Variants in ESRRB observed in about 807,000 individuals in gnomAD.
ESRRB encodes estrogen related receptor beta, also known as steroid hormone receptor ERR2.
A neutral mutation model predicts 46.0 loss-of-function variants in ESRRB; 16 were observed. The ratio of observed to expected loss-of-function variants is 0.35; its 90% confidence interval spans 0.24 to 0.53. The LOEUF (loss-of-function observed/expected upper bound fraction) is 0.53, where lower values mean the gene tolerates loss of function less well. ESRRB is among the 20% of genes least tolerant of loss of function. The probability of loss-of-function intolerance (pLI) is 0.93; values close to 1 mark genes in which losing one functional copy is unlikely to be tolerated. For synonymous variants in ESRRB, 246 were observed against 259.6 expected, an observed-to-expected ratio of 0.95 and a Z score of 0.50; for missense variants, 488 against 607.4, an observed-to-expected ratio of 0.80 and a Z score of 2.07.
At chr14:76,311,657 C>G in intron 1 of ESRRB, among the ~76,000 whole-genome samples, 1 of 152,192 alleles carries the variant, frequency 6.6e-6, no homozygotes. Context: ...CAGGCCAAAG[C>G]CAGGTGTGGA....
intron 1 of ESRRB, among the ~76,000 whole-genome samples, chr14:76,330,445 G>A (rs1883998969): frequency 6.6e-6 from 1 of 152,236 alleles, no homozygotes; most frequent in African/African-American, 2.4e-5. Context: ...ACCCAAAGCA[G>A]GAACTAACCA....
At chr14:76,367,277 C>T (rs930826275), upstream of ESRRB, among the ~76,000 whole-genome samples, 1 of 152,020 alleles carries the variant, frequency 6.6e-6, no homozygotes, top group Non-Finnish European at 1.5e-5. Context: ...ATTGACTGGG[C>T]ACAGTAGTGG....
chr14:76,491,362 A>C (rs372112268), intron 5 of ESRRB, 85 bp from the exon 6 acceptor site: 432 of 1,425,760 alleles, frequency 3.0e-4, no homozygotes, highest in Non-Finnish European at 3.8e-4. Context: ...CACGCCCTGC[A>C]ACCTCTGCCC....
In ESRRB at chr14:76,376,291, C is replaced by G; in HGVS notation, c.-111C>G. 1.2e-6 allele frequency: 1 copy of G among 833,744 alleles called. No homozygotes were observed. The highest frequency in any genetic ancestry group is 1.6e-6 in the Non-Finnish European group (1 of 624,438). 51.6% of individuals were successfully genotyped at this position (833,744 alleles called of 1,614,324 possible). A position where few individuals can be genotyped will look rare whatever the true frequency, so the allele number is the denominator to read the frequency against. ...CGCCTCCTCCCACTCTGCGTTCTCG[C>G]GCTCACTGTGCCCTGCCCGGGCTCG... is the stretch of plus-strand genomic sequence containing the variant. On this transcript the variant is annotated 5_prime_UTR_variant, in exon 1 of 7. Coordinates refer to ENST00000644823, the MANE Select transcript of ESRRB (RefSeq NM_001379180.1). This position sits in a 1 kb window ranked among gnomAD's most constrained non-coding sequence, Gnocchi z 4.1.
At chr14:76,339,824 C>T (rs577440643) in intron 1 of ESRRB, among the ~76,000 whole-genome samples, 5 of 152,272 alleles carry the variant, frequency 3.3e-5, no homozygotes, top group South Asian at 2.1e-4. Context: ...CGTGCCCCGT[C>T]ACATCGCACA....
At chr14:76,356,975 T>C (rs931889866) in intron 1 of ESRRB, among the ~76,000 whole-genome samples, 17 of 152,312 alleles carry the variant, frequency 1.1e-4, no homozygotes, top group African/African-American at 4.1e-4. Flanking sequence ...TCAGGGAAGG[T>C]TGACTCTCTC....
At chr14:76,494,782 G>A (rs1178691904) in intron 6 of ESRRB, among the ~76,000 whole-genome samples, 4 of 152,234 alleles carry the variant, frequency 2.6e-5, no homozygotes, top group African/African-American at 9.6e-5. Context: ...AGCAAAAGCA[G>A]TTAAAGCAGA....
At position 76,500,833 on chromosome 14, in the gene ESRRB, A is replaced by C. The variant is rs958157180; in HGVS notation, c.*2375A>C. The C allele has an allele frequency of 1.7e-6, 2 of 1,173,608 alleles. No individual in the cohort carries two copies. Among genetic ancestry groups the C allele is most frequent in the African/African-American group, 1.5e-5 (1 of 66,490 alleles). The allele number at this position is 1,173,608 out of a possible 1,614,324, so 72.7% of individuals were successfully genotyped here. ...GAGCCCCTCTAGCAGAGTGGGGCGG[A>C]AGTCCTGATGGTTGGTGTCCATGAG... On this transcript the variant is annotated 3_prime_UTR_variant, in exon 7 of 7. Transcript: ENST00000644823.
chr14:76,414,783 C>A (rs1886627467), intron 1 of ESRRB, among the ~76,000 whole-genome samples: 1 of 151,572 alleles, frequency 6.6e-6, no homozygotes, highest in South Asian at 2.1e-4. Context: ...GGTGCCTTTT[C>A]CCAGAGAGGC....
At chr14:76,341,023 G>A (rs527478283) in intron 1 of ESRRB, among the ~76,000 whole-genome samples, 1 of 152,274 alleles carries the variant, frequency 6.6e-6, no homozygotes, top group African/African-American at 2.4e-5. Flanking sequence ...GACTCAGCCT[G>A]CCCCTGCACC....
In ESRRB at chr14:76,385,931, T is replaced by G. The variant is rs574060790; in HGVS notation, c.50+9480T>G. 1.1e-4 allele frequency among the ~76,000 whole-genome samples: 17 copies of G among 152,334 alleles called. 1 individual carries two copies. In the South Asian group the frequency reaches 3.1e-3, roughly 28 times the overall value. ...ATAGTATCTACCTCCCAGGGTTGTT[T>G]TGAAGATTTAGTCAGAGGACAAGCA... On this transcript the variant is annotated intron_variant, in intron 1 of 6. Transcript: ENST00000644823.
intron 1 of ESRRB, among the ~76,000 whole-genome samples, chr14:76,402,688 ATTCT>A (rs1885994209): frequency 6.6e-6 from 1 of 151,970 alleles, no homozygotes; most frequent in African/African-American, 2.4e-5. Flanking sequence ...CTTTCTGGGA[ATTCT>A]TTCTTTCTTT....
At chr14:76,469,490 A>G (rs1370935328) in intron 3 of ESRRB, among the ~76,000 whole-genome samples, 1 of 152,132 alleles carries the variant, frequency 6.6e-6, no homozygotes, top group Admixed American at 6.5e-5. Flanking sequence ...ACACAAGTAC[A>G]CTTCTGTTCT....
At chr14:76,477,612 C>T (rs572309366) in intron 3 of ESRRB, among the ~76,000 whole-genome samples, 1 of 152,158 alleles carries the variant, frequency 6.6e-6, no homozygotes, top group Non-Finnish European at 1.5e-5. Flanking sequence ...CCTTCATTAT[C>T]GAGCCCATGG....
chr14:76,471,968 G>A (rs1889390227), intron 3 of ESRRB, among the ~76,000 whole-genome samples: 1 of 152,170 alleles, frequency 6.6e-6, no homozygotes, highest in African/African-American at 2.4e-5. Context: ...GGAAGGCAGG[G>A]GCACAGGTGA....
chr14:76,400,569 T>C (rs1355794381), intron 1 of ESRRB, among the ~76,000 whole-genome samples: 1 of 152,236 alleles, frequency 6.6e-6, no homozygotes, highest in East Asian at 1.9e-4. Context: ...TTTTATGTTC[T>C]CACTTGACAA....
At position 76,498,644 on chromosome 14, in the gene ESRRB, G is replaced by GGGGGGT; in HGVS notation, c.*186_*187insGGGGGT. On this transcript the variant is annotated 3_prime_UTR_variant, in exon 7 of 7. Transcript: ENST00000644823. ...CGGGTGCAGTGGGGTGGGGGACGGGGATGGGGGGGCAGGGGTGTGGGGCTC... is the reference window on the plus strand; with the variant it reads ...CGGGTGCAGTGGGGTGGGGGACGGGGGGGGGTATGGGGGGGCAGGGGTGTGGGGCTC... 2.2e-6 allele frequency: 1 copy of GGGGGGT among 462,808 alleles called. No homozygotes were observed. The highest frequency in any genetic ancestry group is 4.2e-6 in the Non-Finnish European group (1 of 240,398). The allele number at this position is 462,808 out of a possible 1,614,324, so 28.7% of individuals were successfully genotyped here. A position where few individuals can be genotyped will look rare whatever the true frequency, so the allele number is the denominator to read the frequency against.
chr14:76,383,234 T>C (rs902273016), intron 1 of ESRRB, among the ~76,000 whole-genome samples: 1 of 152,206 alleles, frequency 6.6e-6, no homozygotes, highest in Non-Finnish European at 1.5e-5. Flanking sequence ...AAATACCAAA[T>C]GTGGTTTTAA....
chr14:76,353,731 C>T (rs779521429), intron 1 of ESRRB, among the ~76,000 whole-genome samples: 4 of 152,076 alleles, frequency 2.6e-5, no homozygotes, highest in Non-Finnish European at 5.9e-5. Context: ...GCAGGAGGAT[C>T]GCTTGAGCCC....
Sources: gnomAD v4.1 joint callset for allele counts (sites outside exome capture counted in the v4.1 genomes callset) on GRCh38, gnomAD v4.1.1 for gene constraint, Gnocchi (gnomAD v3.1) non-coding constraint, MANE v1.5 for transcripts, NCBI Gene and HGNC (gene_info 2026-07-23, HGNC 2026-07-21) for gene names.